The following ZNF131 variants were observed in gnomAD, a reference collection of about 807,000 sequenced individuals.
The protein encoded by ZNF131 is zinc finger protein 131.
In ZNF131, 7 loss-of-function variants were observed where a neutral mutation model predicts 60.0. That is an observed-to-expected ratio of 0.12 (90% CI 0.07 to 0.22). The LOEUF is 0.22. ZNF131 is among the 10% of genes least tolerant of loss of function. ZNF131 has a pLI of 1.00. For synonymous variants in ZNF131, 257 were observed against 253.2 expected (o/e 1.01, Z -0.14); for missense variants, 493 against 740.9 (o/e 0.67, Z 3.88).
chr5:43,150,239 A>G (rs1009814485), intron 4 of ZNF131, among the ~76,000 whole-genome samples: 1 of 152,364 alleles, frequency 6.6e-6, no homozygotes, highest in South Asian at 2.1e-4. Context: ...ATACTGGACA[A>G]TAAATAAACC....
chr5:43,121,863 C>A, intron 1 of ZNF131, 176 bp from the exon 2 acceptor site: 1 of 605,366 alleles, frequency 1.7e-6, no homozygotes, highest in Non-Finnish European at 2.6e-6. Flanking sequence ...CGGCTCCGGT[C>A]TCAACGCTCC....
intron 4 of ZNF131, among the ~76,000 whole-genome samples, chr5:43,147,579 G>A (rs71590638): frequency 0.088 from 13,318 of 150,702 alleles, 787 homozygotes; most frequent in East Asian, 0.19. Context: ...CACCACACCC[G>A]GCTAATTTTT....
At chr5:43,147,717 G>A (rs996466548) in intron 4 of ZNF131, among the ~76,000 whole-genome samples, 11 of 149,248 alleles carry the variant, frequency 7.4e-5, no homozygotes, top group East Asian at 2.1e-4. Context: ...CACCGCGCCC[G>A]GCCAGTTTGG....
intron 1 of ZNF131, among the ~76,000 whole-genome samples, chr5:43,121,334 G>A (rs1019663788): frequency 1.3e-5 from 2 of 152,210 alleles, no homozygotes; most frequent in Non-Finnish European, 2.9e-5. Context: ...AGGCTCTGCA[G>A]TAGCCCAAGC....
intron 4 of ZNF131, among the ~76,000 whole-genome samples, chr5:43,149,315 G>A (rs1385170278): frequency 2.0e-5 from 3 of 151,978 alleles, no homozygotes; most frequent in African/African-American, 7.3e-5. Flanking sequence ...GGCACTTTGG[G>A]CGGCCAAGGC....
At chr5:43,122,247 T>C (rs200355739) in intron 2 of ZNF131, 70 bp downstream of exon 2, 9 of 66,702 alleles carry the variant, frequency 1.3e-4, no homozygotes, top group East Asian at 3.5e-4. Context: ...GACACCCGCC[T>C]TTTTTTTTTT....
chr5:43,155,536 G>A (rs137972689), intron 4 of ZNF131, among the ~76,000 whole-genome samples: 267 of 152,304 alleles, frequency 1.8e-3, no homozygotes, highest in Admixed American at 3.3e-3. Context: ...CATTAGCGTT[G>A]TGGGGCCCTA....
At position 43,175,494 on chromosome 5, in the gene ZNF131, C is replaced by G. The variant is rs751806460; in HGVS notation, c.*361C>G. On this transcript the variant is annotated 3_prime_UTR_variant, in exon 7 of 7. Transcript: ENST00000682664. ...TCAAATTTTTTCCATATTGTAAAATCAAACTTAAATCATTAGAATACAAGT... is the reference window on the plus strand; with the variant it reads ...TCAAATTTTTTCCATATTGTAAAATGAAACTTAAATCATTAGAATACAAGT... 1 of 698,892 alleles carries G rather than the reference C, an allele frequency of 1.4e-6. No homozygotes were observed. The allele number at this position is 698,892 out of a possible 1,614,324, so 43.3% of individuals were successfully genotyped here.
chr5:43,163,885 G>T (rs1055961464), intron 5 of ZNF131, among the ~76,000 whole-genome samples: 1 of 152,104 alleles, frequency 6.6e-6, no homozygotes, highest in Non-Finnish European at 1.5e-5. Flanking sequence ...ACTGTCAGTT[G>T]GTATACATCA....
chr5:43,131,104 A>G (rs1745289727), intron 3 of ZNF131, among the ~76,000 whole-genome samples: 1 of 151,682 alleles, frequency 6.6e-6, no homozygotes, highest in Non-Finnish European at 1.5e-5. Context: ...ACCTCAGGTG[A>G]TCTGTCCATC....
intron 4 of ZNF131, among the ~76,000 whole-genome samples, chr5:43,157,846 T>C (rs866732227): frequency 6.6e-6 from 1 of 152,376 alleles, no homozygotes; most frequent in Middle Eastern, 3.4e-3. Flanking sequence ...AGAACTCCAG[T>C]CTCTGCCTTC....
chr5:43,140,345 G>T (rs1011572061), intron 4 of ZNF131, among the ~76,000 whole-genome samples: 2 of 152,170 alleles, frequency 1.3e-5, no homozygotes, highest in Non-Finnish European at 2.9e-5. Context: ...AGTTTCCCTG[G>T]GTTAACATCC....
intron 4 of ZNF131, among the ~76,000 whole-genome samples, chr5:43,156,944 G>T (rs534872167): frequency 4.0e-5 from 6 of 151,596 alleles, no homozygotes; most frequent in Admixed American, 4.0e-4. Flanking sequence ...CGTTTGCCTG[G>T]TTTTAACATA....
intron 5 of ZNF131, among the ~76,000 whole-genome samples, chr5:43,164,792 GTAATT>G (rs1267900050): frequency 2.6e-5 from 4 of 152,162 alleles, no homozygotes; most frequent in Non-Finnish European, 5.9e-5. Context: ...TGTGAGATAA[GTAATT>G]TAAGTAGTTG....
rs1751484757 is a variant in ZNF131, at chr5:43,175,529, C to T, written c.*396C>T. On this transcript the variant is annotated 3_prime_UTR_variant, in exon 7 of 7. Transcript: ENST00000682664. ...TCATTAGAATACAAGTTTATGTATT[C>T]TAATGCATGTTAGAAAATTGAATAA... is the stretch of plus-strand genomic sequence containing the variant. 1.5e-6 allele frequency: 1 copy of T among 685,034 alleles called. No homozygotes were observed. Among genetic ancestry groups the T allele is most frequent in the South Asian group, 1.6e-5 (1 of 63,622 alleles). The allele number at this position is 685,034 out of a possible 1,614,324, so 42.4% of individuals were successfully genotyped here.
chr5:43,160,993 T>TC (rs1248723770), intron 4 of ZNF131, among the ~76,000 whole-genome samples: 1 of 152,112 alleles, frequency 6.6e-6, no homozygotes, highest in Non-Finnish European at 1.5e-5. Context: ...CACCTTTTTT[T>TC]CCCCCATAAA....
intron 3 of ZNF131, among the ~76,000 whole-genome samples, chr5:43,131,385 C>G (rs1395009789): frequency 1.3e-5 from 2 of 152,002 alleles, no homozygotes; most frequent in Non-Finnish European, 2.9e-5. Context: ...TTTAGCCAGG[C>G]TGGTCTCGAA....
At chr5:43,136,140 G>A (rs1746054782) in intron 3 of ZNF131, among the ~76,000 whole-genome samples, 1 of 152,178 alleles carries the variant, frequency 6.6e-6, no homozygotes, top group African/African-American at 2.4e-5. Context: ...TATAAAATTT[G>A]AAACTTTCTG....
intron 4 of ZNF131, among the ~76,000 whole-genome samples, chr5:43,158,524 A>G (rs1289569925): frequency 6.6e-6 from 1 of 152,194 alleles, no homozygotes; most frequent in Non-Finnish European, 1.5e-5. Flanking sequence ...TCCTGACCTC[A>G]GTTGATCCTC....
Sources: gnomAD v4.1 joint callset for allele counts (sites outside exome capture counted in the v4.1 genomes callset) on GRCh38, gnomAD v4.1.1 for gene constraint, MANE v1.5 for transcripts, NCBI Gene and HGNC (gene_info 2026-07-23, HGNC 2026-07-21) for gene names.